Variants in ARID1B observed in about 807,000 individuals in gnomAD.
The protein encoded by ARID1B is AT-rich interaction domain 1B, also known as AT-rich interactive domain-containing protein 1B.
Under a neutral mutation model 212.3 loss-of-function variants are expected in ARID1B, and 30 were observed. The ratio of observed to expected loss-of-function variants is 0.14; its 90% CI spans 0.11 to 0.19. The LOEUF is 0.19. ARID1B is among the 10% of genes least tolerant of loss of function. ARID1B has a pLI of 1.00. For synonymous variants in ARID1B, 1,402 were observed against 1,301.7 expected (o/e 1.08, Z -1.66); for missense variants, 2,891 against 3,204.0 (o/e 0.90, Z 2.36).
chr6:156,944,150 A>G lies in ARID1B; in HGVS notation c.2247+8574A>G, dbSNP rs186221007. Among the ~76,000 whole-genome samples the G allele has an allele frequency of 6.6e-4, 100 of 152,328 alleles. 1 individual carries two copies. The highest frequency in any genetic ancestry group is 5.6e-4 in the Non-Finnish European group (38 of 68,026). ...AAGCCATCTTTGTTAGTGTATGAGA[A>G]AAAGCACTGATAAAAACGGGCCCTT... is the stretch of plus-strand genomic sequence containing the variant. On this transcript the variant is annotated intron_variant, in intron 4 of 19. Coordinates refer to ENST00000636930, the MANE Select transcript of ARID1B (RefSeq NM_001374828.1).
intron 8 of ARID1B, chr6:157,150,946 C>T (rs182529933): frequency 7.6e-5 from 13 of 170,968 alleles, no homozygotes; most frequent in Non-Finnish European, 1.5e-4. Flanking sequence ...AAGGAACACC[C>T]AAACCAAGAA....
At chr6:156,843,191 A>G (rs1221723257) in intron 2 of ARID1B, among the ~76,000 whole-genome samples, 1 of 152,214 alleles carries the variant, frequency 6.6e-6, no homozygotes, top group Non-Finnish European at 1.5e-5. Flanking sequence ...TCTGGTTAGA[A>G]TGTAACCATT....
Position 157,200,314 on chromosome 6 carries a change from G to A in ARID1B, c.4480-391G>A, listed in dbSNP as rs914920904. ...TTTTACCCCAAGACCCTTTCAGGCC[G>A]GCCCCTGGATGCTGGCTTTCCTGTG... On this transcript the variant is annotated intron_variant, in intron 17 of 19. Transcript: ENST00000636930. This position sits in a 1 kb window ranked among gnomAD's most constrained non-coding sequence, Gnocchi z 4.3. Among the ~76,000 whole-genome samples the A allele has an allele frequency of 3.3e-5, 5 of 152,136 alleles. No homozygotes were observed. The highest frequency in any genetic ancestry group is 9.7e-5 in the African/African-American group (4 of 41,438).
chr6:156,934,249 T>C (rs1406982487), intron 3 of ARID1B, among the ~76,000 whole-genome samples: 1 of 152,216 alleles, frequency 6.6e-6, no homozygotes, highest in African/African-American at 2.4e-5. Context: ...TATTTAACAA[T>C]TCTGTCCTGC....
At chr6:157,109,429 G>A (rs1786735909) in intron 5 of ARID1B, among the ~76,000 whole-genome samples, 1 of 152,168 alleles carries the variant, frequency 6.6e-6, no homozygotes, top group Non-Finnish European at 1.5e-5. Flanking sequence ...TTATGTGTGT[G>A]TGTGAGTGTA....
Position 156,778,358 on chromosome 6 carries a change from G to GGGCGGCGGC in ARID1B, c.680_688dup (p.Gly227_Gly229dup), listed in dbSNP as rs1393978814. 1 of 1,539,360 alleles carries GGGCGGCGGC rather than the reference G, an allele frequency of 6.5e-7. No individual in the cohort carries two copies. Among genetic ancestry groups the GGGCGGCGGC allele is most frequent in the African/African-American group, 1.4e-5 (1 of 72,774 alleles). ...CCAACAACAACAGCTTGGGCGGCGC[G>GGGCGGCGGC]GGCGGCGGCGCGCCTCAGCCCGGCC... On this transcript the variant is annotated inframe_insertion, in exon 1 of 20. Coordinates refer to ENST00000636930, the MANE Select transcript of ARID1B (RefSeq NM_001374828.1).
chr6:156,901,251 T>G, intron 2 of ARID1B, 125 bp from the exon 3 acceptor site: 1 of 1,067,550 alleles, frequency 9.4e-7, no homozygotes, highest in Non-Finnish European at 1.4e-6. Flanking sequence ...GAAGAGAGGA[T>G]TAGAAATATT....
chr6:156,897,120 G>T (rs755110196), intron 2 of ARID1B, among the ~76,000 whole-genome samples: 2 of 151,970 alleles, frequency 1.3e-5, no homozygotes, highest in Admixed American at 6.6e-5. Flanking sequence ...TTTTGTTGTT[G>T]TGTGTGTTCA....
Position 157,159,231 on chromosome 6 carries a change from G to A in ARID1B, c.3090-7809G>A, listed in dbSNP as rs1790766721. 2.6e-5 allele frequency among the ~76,000 whole-genome samples: 4 copies of A among 152,252 alleles called. No homozygotes were observed. The South Asian group carries it at 8.3e-4, about 31-fold the overall frequency. On this transcript the variant is annotated intron_variant, in intron 8 of 19. Coordinates refer to ENST00000636930, the MANE Select transcript of ARID1B (RefSeq NM_001374828.1). ...TATGGTTGCCAGGAAAGAGTCCGTA[G>A]TAGCAGAACAATGGGCTTAACAAAC...
At chr6:156,782,326 G>C (rs983636804) in intron 1 of ARID1B, among the ~76,000 whole-genome samples, 2 of 151,796 alleles carry the variant, frequency 1.3e-5, no homozygotes, top group African/African-American at 2.4e-5. Flanking sequence ...AAATGTTTTC[G>C]TAATTGGGAC....
chr6:156,876,280 C>T (rs922797367), intron 2 of ARID1B, among the ~76,000 whole-genome samples: 2 of 152,208 alleles, frequency 1.3e-5, no homozygotes, highest in Non-Finnish European at 2.9e-5. Flanking sequence ...TGGTGGTGTT[C>T]TCAGTGAACT....
In ARID1B at chr6:156,777,710, G is replaced by A. The variant is rs1356742225; in HGVS notation, c.30G>A (p.Ala10=). MAARAAAAA[A]AAAARARARA... is the part of the protein sequence containing the mutation. ...CCGCGCGGGCAGCAGCGGCGGCGGC[G>A]GCGGCGGCGGCGCGGGCGCGGGCGC... Residue 10 remains alanine, a synonymous_variant, in exon 1 of 20, where the codon GCG becomes GCA. Transcript: ENST00000636930. 16 of 152,316 alleles carry A rather than the reference G, an allele frequency of 1.1e-4. No individual in the cohort carries two copies. Among genetic ancestry groups the A allele is most frequent in the African/African-American group, 3.7e-4 (15 of 40,516 alleles). The allele number at this position is 152,316 out of a possible 1,614,324, so 9.4% of individuals were successfully genotyped here. A position where few individuals can be genotyped will look rare whatever the true frequency, so the allele number is the denominator to read the frequency against.
At chr6:156,841,016 A>G (rs1783862051) in intron 2 of ARID1B, among the ~76,000 whole-genome samples, 1 of 152,198 alleles carries the variant, frequency 6.6e-6, no homozygotes, top group South Asian at 2.1e-4. Context: ...AAAGTCCCCA[A>G]GTAGTTAGGA....
intron 17 of ARID1B, 24 bp downstream of exon 17, chr6:157,198,931 G>A (rs1393367802): frequency 1.3e-6 from 2 of 1,559,962 alleles, no homozygotes; most frequent in South Asian, 1.2e-5. Flanking sequence ...TGGGCGTGGG[G>A]TGCTGTGTTT....
intron 4 of ARID1B, among the ~76,000 whole-genome samples, chr6:157,081,928 GT>G (rs111247908): frequency 2.9e-4 from 44 of 151,238 alleles, no homozygotes; most frequent in African/African-American, 1.0e-3. Context: ...TATCTACCAG[GT>G]TTTTTTTTCT....
chr6:156,866,409 T>C (rs1376532143), intron 2 of ARID1B, among the ~76,000 whole-genome samples: 2 of 152,214 alleles, frequency 1.3e-5, no homozygotes, highest in Admixed American at 1.3e-4. Context: ...GGTTCTGCCT[T>C]GTCAGCTGGG....
At chr6:157,019,769 GCAA>G (rs1234731261) in intron 4 of ARID1B, among the ~76,000 whole-genome samples, 1 of 152,124 alleles carries the variant, frequency 6.6e-6, no homozygotes, top group Non-Finnish European at 1.5e-5. Context: ...TTAGTCTCCT[GCAA>G]CTTGTGCCAT....
chr6:157,196,440 A>G, intron 16 of ARID1B, 125 bp downstream of exon 16: 1 of 1,267,846 alleles, frequency 7.9e-7, no homozygotes, highest in Non-Finnish European at 1.1e-6. Flanking sequence ...TTCCTGTGAA[A>G]GTAAAGAGGC....
chr6:157,059,193 A>G (rs927025848), intron 4 of ARID1B, among the ~76,000 whole-genome samples: 1 of 152,148 alleles, frequency 6.6e-6, no homozygotes, highest in Non-Finnish European at 1.5e-5. Flanking sequence ...AGAAAATGTG[A>G]AAGTGCTTGG....
Sources: gnomAD v4.1 joint callset for allele counts (sites outside exome capture counted in the v4.1 genomes callset) on GRCh38, gnomAD v4.1.1 for gene constraint, Gnocchi (gnomAD v3.1) non-coding constraint, MANE v1.5 for transcripts, NCBI Gene and HGNC (gene_info 2026-07-23, HGNC 2026-07-21) for gene names.